The following MAGI2 variants were observed in gnomAD, a reference collection of about 807,000 sequenced individuals.
MAGI2 encodes membrane-associated guanylate kinase, WW and PDZ domain-containing protein 2.
In MAGI2, 35 loss-of-function variants were observed where a neutral mutation model predicts 133.3. The observed-to-expected ratio is 0.26, with a 90% confidence interval of 0.20 to 0.35. The LOEUF (loss-of-function observed/expected upper bound fraction) is 0.35, where lower values mean the gene tolerates loss of function less well. Among genes scored for constraint, MAGI2 ranks in the 10% least tolerant of loss-of-function variants. The pLI is 1.00. For missense variants in MAGI2, 1,636 were observed against 1,863.4 expected (o/e 0.88, Z 2.25); for synonymous variants, 729 against 710.6 (o/e 1.03, Z -0.41).
chr7:79,317,019 CTTT>C (rs58130248), intron 1 of MAGI2, among the ~76,000 whole-genome samples: 7,037 of 101,284 alleles, frequency 0.069, 258 homozygotes, highest in African/African-American at 0.19. Context: ...TTTTCTTTTT[CTTT>C]TTTTTTTTTT....
chr7:78,127,700 C>A (rs558163204), intron 18 of MAGI2, among the ~76,000 whole-genome samples: 2 of 152,196 alleles, frequency 1.3e-5, no homozygotes, highest in African/African-American at 2.4e-5. Context: ...TCCTCTTTGA[C>A]TTTGGCTATT....
chr7:79,058,993 G>C (rs1813449471), intron 1 of MAGI2, among the ~76,000 whole-genome samples: 1 of 152,066 alleles, frequency 6.6e-6, no homozygotes, highest in Admixed American at 6.6e-5. Context: ...ACTCAGTATA[G>C]TAAGTAGTCA....
chr7:78,330,213 A>T, intron 9 of MAGI2, among the ~76,000 whole-genome samples: 1 of 152,200 alleles, frequency 6.6e-6, no homozygotes, highest in Non-Finnish European at 1.5e-5. Context: ...CTAGACTAAG[A>T]AAAGCTTTAA....
chr7:79,217,070 CTT>C (rs1830083762), intron 1 of MAGI2, among the ~76,000 whole-genome samples: 1 of 151,986 alleles, frequency 6.6e-6, no homozygotes. Flanking sequence ...GAAATTGTAA[CTT>C]GACATTAGAA....
At chr7:78,905,316 G>A (rs1281329125) in intron 2 of MAGI2, among the ~76,000 whole-genome samples, 1 of 152,104 alleles carries the variant, frequency 6.6e-6, no homozygotes, top group Non-Finnish European at 1.5e-5. Flanking sequence ...TTCTCTCTCT[G>A]TCTCACTCCT....
rs557622518 is a variant in MAGI2, at chr7:78,578,033, C to CAA, written c.538+49085_538+49086dup. Among the ~76,000 whole-genome samples the CAA allele has an allele frequency of 7.7e-3, 943 of 121,860 alleles. 5 individuals are homozygous for CAA. The highest frequency in any genetic ancestry group is 0.026 in the African/African-American group (889 of 34,786). 79.9% of individuals were successfully genotyped at this position (121,860 alleles called of 152,430 possible). ...AACCAGTTATCACTGTGAAAAAGAC[C>CAA]AAAAAAAAAAAAAAGAGACCTTCAA... On this transcript the variant is annotated intron_variant, in intron 3 of 21. Coordinates refer to ENST00000354212, the MANE Select transcript of MAGI2 (RefSeq NM_012301.4).
At chr7:79,359,660 C>T (rs1052582525) in intron 1 of MAGI2, among the ~76,000 whole-genome samples, 2 of 144,118 alleles carry the variant, frequency 1.4e-5, no homozygotes, top group Non-Finnish European at 3.0e-5. Context: ...AGGAAATGCT[C>T]AAGTGGGAAA....
chr7:79,445,046 G>C (rs1329468069), intron 1 of MAGI2, among the ~76,000 whole-genome samples: 5 of 152,094 alleles, frequency 3.3e-5, no homozygotes, highest in African/African-American at 4.8e-5. Context: ...ACAAACCTGA[G>C]AAAAACAAGC....
At chr7:78,252,185 T>C (rs1336021725) in intron 10 of MAGI2, 3 of 147,550 alleles carry the variant, frequency 2.0e-5, no homozygotes, top group Admixed American at 6.8e-5. Context: ...AGAATGTCTA[T>C]GGAAATGCAA....
At chr7:78,530,180 A>G (rs1450925663) in intron 3 of MAGI2, among the ~76,000 whole-genome samples, 1 of 152,226 alleles carries the variant, frequency 6.6e-6, no homozygotes, top group Admixed American at 6.5e-5. Flanking sequence ...GTCGTAAATA[A>G]CTGAGAAAAC....
At chr7:79,350,603 A>G (rs1341195788) in intron 1 of MAGI2, among the ~76,000 whole-genome samples, 1 of 152,144 alleles carries the variant, frequency 6.6e-6, no homozygotes, top group African/African-American at 2.4e-5. Flanking sequence ...GAACACTTGC[A>G]TACATCTTCC....
At chr7:79,283,359 G>A (rs890883833) in intron 1 of MAGI2, among the ~76,000 whole-genome samples, 7 of 152,050 alleles carry the variant, frequency 4.6e-5, no homozygotes, top group Non-Finnish European at 7.4e-5. Context: ...CATTCTTTGC[G>A]TGTCCAAGTG....
At chr7:79,228,930 C>T (rs1372693101) in intron 1 of MAGI2, among the ~76,000 whole-genome samples, 2 of 152,156 alleles carry the variant, frequency 1.3e-5, no homozygotes, top group Non-Finnish European at 2.9e-5. Context: ...GTCTACCCAA[C>T]ACCAGTAAAT....
intron 1 of MAGI2, among the ~76,000 whole-genome samples, chr7:79,032,672 C>T (rs1810719064): frequency 6.6e-6 from 1 of 151,818 alleles, no homozygotes; most frequent in Non-Finnish European, 1.5e-5. Flanking sequence ...CTGTAGCTTT[C>T]AGGGAATCTA....
intron 1 of MAGI2, among the ~76,000 whole-genome samples, chr7:79,241,043 T>C (rs946016545): frequency 1.3e-5 from 2 of 152,062 alleles, no homozygotes; most frequent in African/African-American, 4.8e-5. Flanking sequence ...TAAAGAACCA[T>C]GTCAGTATCA....
chr7:79,157,077 A>T (rs1187836859), intron 1 of MAGI2, among the ~76,000 whole-genome samples: 1 of 152,112 alleles, frequency 6.6e-6, no homozygotes, highest in Non-Finnish European at 1.5e-5. Context: ...TAGTTCAAAG[A>T]TGCATTCTAA....
At chr7:78,580,663 T>G (rs923094029) in intron 3 of MAGI2, among the ~76,000 whole-genome samples, 1 of 152,222 alleles carries the variant, frequency 6.6e-6, no homozygotes, top group Non-Finnish European at 1.5e-5. Context: ...GTTCAGCAAA[T>G]GACTCTCAAA....
chr7:79,308,229 T>C (rs1837976478), intron 1 of MAGI2, among the ~76,000 whole-genome samples: 1 of 152,196 alleles, frequency 6.6e-6, no homozygotes, highest in African/African-American at 2.4e-5. Context: ...GAAGACATTG[T>C]CATGGAAATA....
Position 78,399,873 on chromosome 7 carries a change from C to A in MAGI2, c.1046-30660G>T, listed in dbSNP as rs561727047. On this transcript the variant is annotated intron_variant, in intron 6 of 21. Transcript: ENST00000354212. ...TAAAAACACAAGCGCATGAACACAG[C>A]TCAATCACTGTTGATCAGTGAAGCA... 2.0e-5 allele frequency among the ~76,000 whole-genome samples: 3 copies of A among 148,356 alleles called. No individual in the cohort carries two copies. In the South Asian group the frequency reaches 6.4e-4, roughly 31 times the overall value.
Sources: gnomAD v4.1 joint callset for allele counts (sites outside exome capture counted in the v4.1 genomes callset) on GRCh38, gnomAD v4.1.1 for gene constraint, MANE v1.5 for transcripts, NCBI Gene and HGNC (gene_info 2026-07-23, HGNC 2026-07-21) for gene names.